The following ACOXL variants were observed in gnomAD, a reference collection of about 807,000 sequenced individuals.
ACOXL encodes acyl-CoA oxidase like, also known as acyl-coenzyme A oxidase-like protein.
Under a neutral mutation model 71.9 loss-of-function variants are expected in ACOXL, and 70 were observed. The observed-to-expected ratio is 0.97, with a 90% confidence interval of 0.80 to 1.19. ACOXL has a LOEUF of 1.19. Among genes scored for constraint, ACOXL ranks in the 50% most tolerant of loss-of-function variants. ACOXL has a pLI of 0.00. For synonymous variants in ACOXL, 253 were observed against 281.6 expected, an observed-to-expected ratio of 0.90 and a Z score of 1.02; for missense variants, 703 against 736.3, an observed-to-expected ratio of 0.95 and a Z score of 0.52.
At chr2:110,906,009 T>C in intron 10 of ACOXL, among the ~76,000 whole-genome samples, 1 of 152,012 alleles carries the variant, frequency 6.6e-6, no homozygotes, top group Admixed American at 6.5e-5. Flanking sequence ...AAAGAGGAAA[T>C]GGCACCGCTA....
intron 10 of ACOXL, among the ~76,000 whole-genome samples, chr2:110,845,545 A>G (rs1691723035): frequency 6.6e-6 from 1 of 152,218 alleles, no homozygotes; most frequent in African/African-American, 2.4e-5. Context: ...CGTTTTCAAC[A>G]TTGCAAACTG....
At chr2:110,989,080 A>G (rs1217145962) in intron 13 of ACOXL, among the ~76,000 whole-genome samples, 1 of 152,084 alleles carries the variant, frequency 6.6e-6, no homozygotes, top group Non-Finnish European at 1.5e-5. Context: ...TGCATCATCT[A>G]TTCTGAGGTC....
intron 14 of ACOXL, among the ~76,000 whole-genome samples, chr2:111,004,368 G>C (rs1234106313): frequency 6.6e-6 from 1 of 152,160 alleles, no homozygotes; most frequent in Non-Finnish European, 1.5e-5. Context: ...GGGAGCAAGT[G>C]AGAAGGGCTA....
chr2:110,823,625 A>G lies in ACOXL; in HGVS notation c.754-17746A>G, dbSNP rs534808047. Among the ~76,000 whole-genome samples, 6 of 152,288 alleles carry G rather than the reference A, an allele frequency of 3.9e-5. No homozygotes were observed. The South Asian group carries it at 1.0e-3, about 26-fold the overall frequency. On this transcript the variant is annotated intron_variant, in intron 9 of 17. Coordinates refer to ENST00000439055, the MANE Select transcript of ACOXL (RefSeq NM_001142807.4). ...TTGCCATTCTGGGTCCTTGCCAGTA[A>G]TGGTATTGTCAGTGTTTGAGATTTT...
intron 10 of ACOXL, among the ~76,000 whole-genome samples, chr2:110,898,803 C>T (rs533268245): frequency 3.3e-5 from 5 of 152,038 alleles, no homozygotes; most frequent in Non-Finnish European, 5.9e-5. Context: ...AAAACTGTTT[C>T]TATATTCAGA....
chr2:111,009,356 A>G (rs944004056), intron 14 of ACOXL, among the ~76,000 whole-genome samples: 3 of 151,992 alleles, frequency 2.0e-5, no homozygotes, highest in African/African-American at 7.2e-5. Context: ...TCTACTAAAA[A>G]TGCAAAAATT....
At chr2:111,073,324 C>T (rs1366546604) in intron 16 of ACOXL, among the ~76,000 whole-genome samples, 3 of 151,396 alleles carry the variant, frequency 2.0e-5, no homozygotes, top group African/African-American at 7.4e-5. Flanking sequence ...CCTAAGAACT[C>T]TTCGTTAAAC....
At chr2:111,038,920 T>G (rs1421051342) in intron 15 of ACOXL, among the ~76,000 whole-genome samples, 1 of 152,220 alleles carries the variant, frequency 6.6e-6, no homozygotes, top group Non-Finnish European at 1.5e-5. Flanking sequence ...AAAAAGCAAC[T>G]GTCTGTTGAC....
At chr2:110,956,780 A>G (rs1339199925) in intron 12 of ACOXL, among the ~76,000 whole-genome samples, 2 of 152,248 alleles carry the variant, frequency 1.3e-5, no homozygotes, top group African/African-American at 2.4e-5. Context: ...GTAATCATAT[A>G]GTGAAAAATT....
chr2:110,779,978 T>G (rs1485580861), intron 2 of ACOXL, among the ~76,000 whole-genome samples: 1 of 152,206 alleles, frequency 6.6e-6, no homozygotes, highest in Non-Finnish European at 1.5e-5. Context: ...AATTAAGAAC[T>G]GCTGTTCATT....
chr2:110,803,260 C>A (rs1686214794), intron 8 of ACOXL, among the ~76,000 whole-genome samples: 1 of 152,098 alleles, frequency 6.6e-6, no homozygotes, highest in Non-Finnish European at 1.5e-5. Context: ...AGGACTCATA[C>A]CTGTGATTTG....
chr2:111,047,501 A>G (rs908528636), intron 15 of ACOXL, among the ~76,000 whole-genome samples: 2 of 152,230 alleles, frequency 1.3e-5, no homozygotes, highest in Admixed American at 6.5e-5. Context: ...ATCCTCAGAC[A>G]GTAGTCAGAG....
intron 10 of ACOXL, among the ~76,000 whole-genome samples, chr2:110,856,766 A>G (rs1176160755): frequency 6.6e-6 from 1 of 152,176 alleles, no homozygotes; most frequent in Admixed American, 6.5e-5. Context: ...CCCTGGTTTT[A>G]AACATTTAGT....
chr2:110,948,662 G>A (rs1182462465), intron 12 of ACOXL, among the ~76,000 whole-genome samples: 1 of 126,626 alleles, frequency 7.9e-6, no homozygotes, highest in Non-Finnish European at 1.6e-5. Context: ...AGACAGCTAA[G>A]ACCACTCAGG....
At position 110,784,169 on chromosome 2, in the gene ACOXL, C is replaced by T. The variant is rs187831901; in HGVS notation, c.76-563C>T. ...GGGTACCATGGCGCATGCCTGTAGT[C>T]CCAGCTTCTTGGGAGGCTGAGCCAG... On this transcript the variant is annotated intron_variant, in intron 2 of 17. Transcript: ENST00000439055. Among the ~76,000 whole-genome samples, 29 of 152,284 alleles carry T rather than the reference C, an allele frequency of 1.9e-4. No individual in the cohort carries two copies. The East Asian group carries it at 4.8e-3, about 25-fold the overall frequency.
chr2:110,934,044 A>G (rs1394639492), intron 12 of ACOXL, among the ~76,000 whole-genome samples: 2 of 152,234 alleles, frequency 1.3e-5, no homozygotes, highest in Admixed American at 1.3e-4. Context: ...GAGGCAGAGC[A>G]TTCAGAGACT....
rs975842250 is a variant in ACOXL at position 110,838,303 on chromosome 2, T to C, written c.754-3068T>C. On this transcript the variant is annotated intron_variant, in intron 9 of 17. Transcript: ENST00000439055. ...ATGTGTGCACACGTGTGAATGTGCA[T>C]ATGTGCACTAGTGTGCATATGTGTG... Among the ~76,000 whole-genome samples, 29 of 152,166 alleles carry C rather than the reference T, an allele frequency of 1.9e-4. 1 individual carries two copies. Among genetic ancestry groups the C allele is most frequent in the Non-Finnish European group, 4.3e-4 (29 of 68,024 alleles).
At chr2:110,913,456 C>T (rs1032380140) in intron 11 of ACOXL, among the ~76,000 whole-genome samples, 3 of 152,100 alleles carry the variant, frequency 2.0e-5, no homozygotes, top group Admixed American at 6.6e-5. Flanking sequence ...CATGTTATAA[C>T]ATGGATAAAC....
intron 11 of ACOXL, among the ~76,000 whole-genome samples, chr2:110,913,319 A>AT (rs753780027): frequency 2.0e-5 from 3 of 152,222 alleles, no homozygotes; most frequent in African/African-American, 4.8e-5. Flanking sequence ...TCTTAGTGAC[A>AT]TTTTTTGTAA....
Sources: gnomAD v4.1 joint callset for allele counts (sites outside exome capture counted in the v4.1 genomes callset) on GRCh38, gnomAD v4.1.1 for gene constraint, MANE v1.5 for transcripts, NCBI Gene and HGNC (gene_info 2026-07-23, HGNC 2026-07-21) for gene names.